Variants in CDADC1 observed in about 807,000 individuals in gnomAD.
The protein encoded by CDADC1 is dCTP deaminase.
Under a neutral mutation model 54.9 loss-of-function variants are expected in CDADC1, and 39 were observed. That is an observed-to-expected ratio of 0.71 (90% CI 0.55 to 0.93). CDADC1 has a LOEUF of 0.93. CDADC1 is among the 40% of genes least tolerant of loss of function. The probability of loss-of-function intolerance (pLI) is 0.00; values close to 1 mark genes in which losing one functional copy is unlikely to be tolerated. For missense variants in CDADC1, 518 were observed against 618.8 expected, an observed-to-expected ratio of 0.84 and a Z score of 1.73; for synonymous variants, 186 against 204.0, an observed-to-expected ratio of 0.91 and a Z score of 0.75.
intron 5 of CDADC1, 25 bp from the exon 6 acceptor site, chr13:49,274,266 G>A (rs1465905441): frequency 6.4e-7 from 1 of 1,564,490 alleles, no homozygotes; most frequent in Non-Finnish European, 8.7e-7. Context: ...AATTTTTACT[G>A]AGTTAAATGC....
rs750933810 is a variant in CDADC1, at chr13:49,286,209, T to C, written c.1411-13T>C. The C allele has an allele frequency of 1.2e-6, 2 of 1,607,590 alleles. No homozygotes were observed. The highest frequency in any genetic ancestry group is 2.2e-5 in the South Asian group (2 of 90,934). On this transcript the variant is annotated splice_polypyrimidine_tract_variant and intron_variant, in intron 8 of 9. Transcript: ENST00000251108. Reference sequence around the variant, plus strand: ...CCTCTTTAAACAAGTAAAATGTTTGTGCACTCTTACAGTGGCAGCTGAATC... The same window carrying C: ...CCTCTTTAAACAAGTAAAATGTTTGCGCACTCTTACAGTGGCAGCTGAATC...
At chr13:49,255,205 T>C (rs1451375013) in intron 2 of CDADC1, among the ~76,000 whole-genome samples, 2 of 152,176 alleles carry the variant, frequency 1.3e-5, no homozygotes, top group Non-Finnish European at 2.9e-5. Flanking sequence ...GCCAGTCAGG[T>C]CTTTCATGTT....
intron 9 of CDADC1, among the ~76,000 whole-genome samples, chr13:49,287,560 A>G (rs925894453): frequency 6.6e-6 from 1 of 152,130 alleles, no homozygotes; most frequent in Non-Finnish European, 1.5e-5. Context: ...TGTACACTCA[A>G]TGACAGTGTT....
At chr13:49,268,891 G>A (rs1334883649) in intron 5 of CDADC1, among the ~76,000 whole-genome samples, 1 of 152,080 alleles carries the variant, frequency 6.6e-6, no homozygotes, top group Non-Finnish European at 1.5e-5. Context: ...GTATTAAGTT[G>A]TATATTTGGA....
intron 4 of CDADC1, among the ~76,000 whole-genome samples, chr13:49,260,588 T>C (rs2138206022): frequency 6.6e-6 from 1 of 152,334 alleles, no homozygotes; most frequent in South Asian, 2.1e-4. Flanking sequence ...GGAACACAAA[T>C]TTTTAATGTA....
rs1207569438 is a variant in CDADC1, at chr13:49,291,906, G to A, written c.*149G>A. Reference sequence around the variant, plus strand: ...CTAATTTATTTCTAGGATACAAATGGTGTTAATAAGAATATTTGTCTTTTA... The same window carrying A: ...CTAATTTATTTCTAGGATACAAATGATGTTAATAAGAATATTTGTCTTTTA... On this transcript the variant is annotated 3_prime_UTR_variant, in exon 10 of 10. Coordinates refer to ENST00000251108, the MANE Select transcript of CDADC1 (RefSeq NM_030911.4). 1 of 1,406,810 alleles carries A rather than the reference G, an allele frequency of 7.1e-7. No homozygotes were observed. Among genetic ancestry groups the A allele is most frequent in the Non-Finnish European group, 9.3e-7 (1 of 1,078,600 alleles). 87.1% of individuals were successfully genotyped at this position (1,406,810 alleles called of 1,614,324 possible).
chr13:49,282,236 G>GGTTTTTT (rs1555315245), intron 8 of CDADC1, among the ~76,000 whole-genome samples: 249 of 94,130 alleles, frequency 2.6e-3, no homozygotes, highest in East Asian at 4.2e-3. Context: ...GTTTTTGTGG[G>GGTTTTTT]TTTTTTTTTT....
intron 2 of CDADC1, among the ~76,000 whole-genome samples, chr13:49,249,662 G>T (rs1329704262): frequency 6.6e-6 from 1 of 152,058 alleles, no homozygotes; most frequent in Non-Finnish European, 1.5e-5. Flanking sequence ...TGAACGAATC[G>T]TTGGAGGTTA....
chr13:49,290,365 A>G (rs1164598489), intron 9 of CDADC1, among the ~76,000 whole-genome samples: 2 of 151,572 alleles, frequency 1.3e-5, no homozygotes, highest in Non-Finnish European at 2.9e-5. Context: ...AGGCTTTAGA[A>G]CTCCCATCTG....
chr13:49,274,116 T>C (rs1472048969), intron 5 of CDADC1, among the ~76,000 whole-genome samples, 175 bp from the exon 6 acceptor site: 1 of 152,212 alleles, frequency 6.6e-6, no homozygotes, highest in Non-Finnish European at 1.5e-5. Context: ...AGCTCCCATA[T>C]TCCATACTTA....
chr13:49,283,163 A>G (rs915194841), intron 8 of CDADC1, among the ~76,000 whole-genome samples: 2 of 128,712 alleles, frequency 1.6e-5, no homozygotes, highest in Non-Finnish European at 1.7e-5. Flanking sequence ...ACATACATAT[A>G]TATGATTAAC....
At chr13:49,267,456 A>G in intron 4 of CDADC1, 34 bp from the exon 5 acceptor site, 2 of 1,529,500 alleles carry the variant, frequency 1.3e-6, no homozygotes, top group Non-Finnish European at 1.8e-6. Context: ...TTCAGCATGT[A>G]TCTCATAATT....
chr13:49,269,247 A>C (rs1457402749), intron 5 of CDADC1, among the ~76,000 whole-genome samples: 1 of 60,798 alleles, frequency 1.6e-5, no homozygotes, highest in Non-Finnish European at 4.3e-5. Context: ...TGAAACTTTT[A>C]TAAAAAGTAC....
In CDADC1 at chr13:49,259,394, C is replaced by G; in HGVS notation, c.301C>G (p.Leu101Val). ...GGTGAAAAACATGAAAATTGTTGGT[C>G]TCCACTGTTCTAGTGAAGATTTACA... is the stretch of plus-strand genomic sequence containing the variant. ...VVVKNMKIVG[L>V]HCSSEDLHAG... Residue 101 changes from leucine (L) to valine (V), a missense_variant, in exon 4 of 10, where the codon CTC becomes GTC. Transcript: ENST00000251108. 6.2e-7 allele frequency: 1 copy of G among 1,613,344 alleles called. No individual in the cohort carries two copies. Among genetic ancestry groups the G allele is most frequent in the Non-Finnish European group, 8.5e-7 (1 of 1,179,524 alleles).
chr13:49,288,137 G>A (rs1391972522), intron 9 of CDADC1, among the ~76,000 whole-genome samples: 3 of 152,166 alleles, frequency 2.0e-5, no homozygotes, highest in Non-Finnish European at 2.9e-5. Flanking sequence ...CCCCAAGATT[G>A]GAAGGAGGGG....
rs1373855374 is a variant in CDADC1 at position 49,291,652 on chromosome 13, C to T, written c.1472-32C>T. The T allele has an allele frequency of 1.9e-6, 3 of 1,599,934 alleles. No homozygotes were observed. In the Admixed American group the frequency reaches 5.3e-5, roughly 28 times the overall value. ...AAGTGCCCATGGGTTTGAAATGAAG[C>T]TGTCCTGACCTAGCGTTATTCTCAA... On this transcript the variant is annotated intron_variant, in intron 9 of 9. Coordinates refer to ENST00000251108, the MANE Select transcript of CDADC1 (RefSeq NM_030911.4).
intron 5 of CDADC1, among the ~76,000 whole-genome samples, chr13:49,272,174 G>T (rs1405750444): frequency 6.6e-6 from 1 of 152,186 alleles, no homozygotes; most frequent in East Asian, 1.9e-4. Flanking sequence ...GGTAGAAAAG[G>T]GGGCTTTTAA....
At chr13:49,259,583 G>T in intron 4 of CDADC1, 60 bp downstream of exon 4, 1 of 1,509,062 alleles carries the variant, frequency 6.6e-7, no homozygotes, top group Non-Finnish European at 9.1e-7. Context: ...GGGCGTGGTG[G>T]TTTATGCCTG....
In CDADC1 at chr13:49,259,577, G is replaced by A. The variant is rs532848867; in HGVS notation, c.430+54G>A. ...TTAAGAGTATTTATCTGGGATGGGC[G>A]TGGTGGTTTATGCCTGTCATCCCAG... is the stretch of plus-strand genomic sequence containing the variant. On this transcript the variant is annotated intron_variant, in intron 4 of 9. Coordinates refer to ENST00000251108, the MANE Select transcript of CDADC1 (RefSeq NM_030911.4). 1.8e-4 allele frequency: 272 copies of A among 1,551,166 alleles called. No homozygotes were observed. The African/African-American group carries it at 2.7e-3, about 16-fold the overall frequency.
Sources: gnomAD v4.1 joint callset for allele counts (sites outside exome capture counted in the v4.1 genomes callset) on GRCh38, gnomAD v4.1.1 for gene constraint, MANE v1.5 for transcripts, NCBI Gene and HGNC (gene_info 2026-07-23, HGNC 2026-07-21) for gene names.